Variants in GATB observed in about 807,000 individuals in gnomAD.
GATB encodes the protein glutamyl-tRNA(Gln) amidotransferase subunit B, mitochondrial.
Under a neutral mutation model 62.3 loss-of-function variants are expected in GATB, and 39 were observed. The ratio of observed to expected loss-of-function variants is 0.63; its 90% CI spans 0.48 to 0.82. The LOEUF (loss-of-function observed/expected upper bound fraction) is 0.82. GATB is among the 40% of genes least tolerant of loss of function. The probability of loss-of-function intolerance (pLI) is 0.00; values close to 1 mark genes in which losing one functional copy is unlikely to be tolerated. For synonymous variants in GATB, 276 were observed against 258.9 expected (o/e 1.07, Z -0.63); for missense variants, 670 against 684.0 (o/e 0.98, Z 0.23).
rs750020229 is a variant in GATB, at chr4:151,679,888, A to G, written c.1335T>C (p.Pro445=). 1 of 1,614,092 alleles carries G rather than the reference A, an allele frequency of 6.2e-7. No individual in the cohort carries two copies. The highest frequency in any genetic ancestry group is 8.5e-7 in the Non-Finnish European group (1 of 1,179,976). Residue 445 remains proline (P), a synonymous_variant, in exon 11 of 13, where the codon CCT becomes CCC. Coordinates refer to ENST00000263985, the MANE Select transcript of GATB (RefSeq NM_004564.3). Reference sequence around the variant, plus strand: ...GCTCAGCGAGTGCAGAGGGTGTGACAGGACTGGTGGCCCCCAAAAGAGAAA... The same window carrying G: ...GCTCAGCGAGTGCAGAGGGTGTGACGGGACTGGTGGCCCCCAAAAGAGAAA... ...KQQNLAVSES[P]VTPSALAELL...
chr4:151,729,795 T>C (rs557888833), intron 2 of GATB, among the ~76,000 whole-genome samples: 2 of 152,270 alleles, frequency 1.3e-5, no homozygotes, highest in South Asian at 2.1e-4. Context: ...AAGGAATCTA[T>C]TAACTATGAA....
chr4:151,711,383 C>T (rs1270259639), intron 5 of GATB, among the ~76,000 whole-genome samples: 1 of 152,198 alleles, frequency 6.6e-6, no homozygotes, highest in Non-Finnish European at 1.5e-5. Flanking sequence ...CTGATCTACC[C>T]CTTGCCTGCC....
chr4:151,682,257 C>G (rs1431287955), intron 10 of GATB, among the ~76,000 whole-genome samples: 2 of 152,116 alleles, frequency 1.3e-5, no homozygotes, highest in East Asian at 3.9e-4. Flanking sequence ...TTCCTCACAC[C>G]CATAGGGATG....
chr4:151,731,109 C>G (rs1202676004), intron 2 of GATB, among the ~76,000 whole-genome samples: 1 of 150,034 alleles, frequency 6.7e-6, no homozygotes. Flanking sequence ...CCCCTTCCCC[C>G]TCCCCCTCTC....
At chr4:151,680,022 C>A in intron 10 of GATB, 131 bp from the exon 11 acceptor site, 1 of 710,204 alleles carries the variant, frequency 1.4e-6, no homozygotes, top group Admixed American at 2.4e-5. Flanking sequence ...ATGAAAACAG[C>A]AGGCCAACTG....
intron 10 of GATB, among the ~76,000 whole-genome samples, chr4:151,683,269 A>G (rs1021808174): frequency 2.6e-5 from 4 of 151,950 alleles, no homozygotes; most frequent in African/African-American, 7.3e-5. Context: ...TTCTGTGCCT[A>G]CCCCTCTATA....
chr4:151,716,278 T>TC lies in GATB; in HGVS notation c.641-148_641-147insG. 3 of 140,572 alleles carry TC rather than the reference T, an allele frequency of 2.1e-5. No individual in the cohort carries two copies. The Admixed American group carries it at 2.3e-4, about 11-fold the overall frequency. The allele number at this position is 140,572 out of a possible 1,614,324, so 8.7% of individuals were successfully genotyped here. ...TCAATCATTTCTCTTCCCTCCCACC[T>TC]TTTTTTTTTTTTTTTTTTTAAAGAG... On this transcript the variant is annotated intron_variant, in intron 4 of 12. Coordinates refer to ENST00000263985, the MANE Select transcript of GATB (RefSeq NM_004564.3).
At chr4:151,746,166 G>A (rs979722938) in intron 2 of GATB, among the ~76,000 whole-genome samples, 1 of 152,226 alleles carries the variant, frequency 6.6e-6, no homozygotes, top group African/African-American at 2.4e-5. Flanking sequence ...ACCAGGAGAG[G>A]GCAAGCATTT....
intron 11 of GATB, chr4:151,677,966 T>C (rs1738043929): frequency 6.6e-6 from 1 of 152,178 alleles, no homozygotes; most frequent in Non-Finnish European, 1.5e-5. Context: ...ATGATGTTCA[T>C]CTGATATTAA....
At chr4:151,710,712 G>T (rs894939657) in intron 5 of GATB, among the ~76,000 whole-genome samples, 25 of 152,146 alleles carry the variant, frequency 1.6e-4, no homozygotes, top group African/African-American at 5.6e-4. Context: ...TTTGCTCCCA[G>T]TTTTCGTCCT....
intron 7 of GATB, among the ~76,000 whole-genome samples, chr4:151,704,912 C>A (rs181050247): frequency 6.6e-6 from 1 of 151,166 alleles, no homozygotes; most frequent in Non-Finnish European, 1.5e-5. Flanking sequence ...CCATGCCCGG[C>A]TAATTTTTTG....
chr4:151,681,969 G>A (rs1180545048), intron 10 of GATB, among the ~76,000 whole-genome samples: 1 of 152,140 alleles, frequency 6.6e-6, no homozygotes, highest in Admixed American at 6.5e-5. Context: ...TTAGGGGTCA[G>A]GATTTCAACA....
At chr4:151,744,690 T>C (rs983544900) in intron 2 of GATB, among the ~76,000 whole-genome samples, 6 of 152,010 alleles carry the variant, frequency 3.9e-5, no homozygotes, top group African/African-American at 4.8e-5. Context: ...GAAGTGAAAA[T>C]TGCTGTGAAG....
rs1738516806 is a variant in GATB at position 151,697,967 on chromosome 4, A to ATATATATGTG, written c.1197+3361_1197+3362insCACATATATA. 4.9e-5 allele frequency among the ~76,000 whole-genome samples: 5 copies of ATATATATGTG among 101,818 alleles called. No homozygotes were observed. The South Asian group carries it at 1.2e-3, about 25-fold the overall frequency. 66.8% of individuals were successfully genotyped at this position (101,818 alleles called of 152,430 possible). ...TGTGTGTGTGTGTATATATATATAT[A>ATATATATGTG]TATATATATATATATATATATATAT... is the stretch of plus-strand genomic sequence containing the variant. On this transcript the variant is annotated intron_variant, in intron 9 of 12. Coordinates refer to ENST00000263985, the MANE Select transcript of GATB (RefSeq NM_004564.3).
At chr4:151,737,456 A>C (rs920127007) in intron 2 of GATB, among the ~76,000 whole-genome samples, 2 of 152,258 alleles carry the variant, frequency 1.3e-5, no homozygotes, top group Admixed American at 6.5e-5. Flanking sequence ...TTTATAAAAG[A>C]AGCAGAGCAT....
Position 151,679,900 on chromosome 4 carries a change from C to T in GATB, c.1332-9G>A, listed in dbSNP as rs994668480. ...CAGAGGGTGTGACAGGACTGGTGGC[C>T]CCCAAAAGAGAAAACACATTTACAT... On this transcript the variant is annotated splice_polypyrimidine_tract_variant and intron_variant, in intron 10 of 12. Transcript: ENST00000263985. 1.2e-6 allele frequency: 2 copies of T among 1,613,656 alleles called. No homozygotes were observed. The highest frequency in any genetic ancestry group is 3.3e-4 in the Middle Eastern group (2 of 6,034).
At chr4:151,748,014 G>C (rs1203664711) in intron 2 of GATB, among the ~76,000 whole-genome samples, 1 of 152,102 alleles carries the variant, frequency 6.6e-6, no homozygotes, top group Non-Finnish European at 1.5e-5. Flanking sequence ...AAATAAAAGA[G>C]GACATAAACA....
chr4:151,680,172 G>A (rs898493414), intron 10 of GATB, among the ~76,000 whole-genome samples: 2 of 151,796 alleles, frequency 1.3e-5, no homozygotes, highest in Non-Finnish European at 2.9e-5. Context: ...AGTGTAATTA[G>A]TCAAGAAAAG....
At chr4:151,695,540 C>T (rs536554233) in intron 9 of GATB, among the ~76,000 whole-genome samples, 4 of 152,226 alleles carry the variant, frequency 2.6e-5, no homozygotes, top group South Asian at 2.1e-4. Context: ...ACACTCAACT[C>T]GGGATGCTCT....
Sources: allele counts gnomAD v4.1 joint callset (sites outside exome capture counted in the v4.1 genomes callset), GRCh38; gene constraint gnomAD v4.1.1; transcripts MANE v1.5; gene names NCBI Gene and HGNC (gene_info 2026-07-23, HGNC 2026-07-21).